PSD3: variants seen among roughly 807,000 people sequenced by gnomAD.
PSD3 encodes PH and SEC7 domain-containing protein 3.
In PSD3, 49 loss-of-function variants were observed where a neutral mutation model predicts 105.5. The observed-to-expected ratio is 0.46, with a 90% confidence interval of 0.37 to 0.59. PSD3 has a LOEUF of 0.59. Among genes scored for constraint, PSD3 ranks in the 20% least tolerant of loss-of-function variants. The pLI is 0.00. For synonymous variants in PSD3, 557 were observed against 457.8 expected (o/e 1.22, Z -2.77); for missense variants, 1,561 against 1,263.8 (o/e 1.24, Z -3.57).
At chr8:18,699,308 G>T (rs562157089) in intron 9 of PSD3, among the ~76,000 whole-genome samples, 70 of 152,320 alleles carry the variant, frequency 4.6e-4, no homozygotes, top group African/African-American at 1.7e-3. Context: ...TTTGCAAAAA[G>T]AAGCAATCTG....
At chr8:18,759,916 T>C (rs73199969) in intron 9 of PSD3, among the ~76,000 whole-genome samples, 8,961 of 144,818 alleles carry the variant, frequency 0.062, 452 homozygotes, top group East Asian at 0.22. Context: ...CTTTTCTGTA[T>C]ATAATGAGAA....
chr8:18,872,121 C>T lies in PSD3; in HGVS notation c.743G>A (p.Cys248Tyr). 1 of 1,614,080 alleles carries T rather than the reference C, an allele frequency of 6.2e-7. No individual in the cohort carries two copies. The highest frequency in any genetic ancestry group is 8.5e-7 in the Non-Finnish European group (1 of 1,179,982). The change falls in exon 3 of 16, where the codon TGT (cysteine) becomes TAT (tyrosine). Residue 248 changes from cysteine to tyrosine, a missense_variant. Coordinates refer to ENST00000327040, the MANE Select transcript of PSD3 (RefSeq NM_015310.4). ...KGAVCVQEPS[C>Y]PLASLGSSAV... ...TGAGCTCCCGAGGGAGGCCAAAGGA[C>T]AAGATGGCTCCTGCACACAGACAGC... is the stretch of plus-strand genomic sequence containing the variant.
intron 12 of PSD3, among the ~76,000 whole-genome samples, chr8:18,592,073 G>A (rs1468569475): frequency 6.6e-6 from 1 of 152,062 alleles, no homozygotes; most frequent in Non-Finnish European, 1.5e-5. Context: ...TGAATTTCCA[G>A]AAATTGACCG....
intron 9 of PSD3, among the ~76,000 whole-genome samples, chr8:18,730,988 A>T (rs1461708385): frequency 6.6e-6 from 1 of 152,138 alleles, no homozygotes; most frequent in Non-Finnish European, 1.5e-5. Flanking sequence ...TTTCTTTCTA[A>T]AAGTCATTCC....
intron 4 of PSD3, among the ~76,000 whole-genome samples, chr8:18,828,067 A>ATATATATATATATATTT (rs371473289): frequency 2.5e-5 from 3 of 118,878 alleles, no homozygotes; most frequent in African/African-American, 1.1e-4. Context: ...ATATATATAT[A>ATATATATATATATATTT]TTTTTTTTTT....
At chr8:18,995,953 G>A (rs181881322) in intron 1 of PSD3, among the ~76,000 whole-genome samples, 5 of 151,976 alleles carry the variant, frequency 3.3e-5, no homozygotes, top group Admixed American at 6.6e-5. Context: ...GCCAGCATCC[G>A]TAGCATCACC....
chr8:18,715,947 G>A (rs1292015680), intron 9 of PSD3, among the ~76,000 whole-genome samples: 2 of 152,176 alleles, frequency 1.3e-5, no homozygotes, highest in Admixed American at 6.5e-5. Context: ...TTTGAGTGAG[G>A]GAGCTGGCTA....
chr8:18,854,781 C>T (rs1009863809), intron 4 of PSD3, among the ~76,000 whole-genome samples: 6 of 152,190 alleles, frequency 3.9e-5, no homozygotes, highest in Admixed American at 1.3e-4. Context: ...ATATTATACA[C>T]AATTTAGCTC....
intron 9 of PSD3, among the ~76,000 whole-genome samples, chr8:18,674,213 T>C (rs1799948251): frequency 6.6e-6 from 1 of 151,802 alleles, no homozygotes; most frequent in African/African-American, 2.4e-5. Flanking sequence ...ATTCAGAAGG[T>C]CGACTTACTA....
chr8:18,746,513 G>C (rs1300302641), intron 9 of PSD3, among the ~76,000 whole-genome samples: 1 of 151,952 alleles, frequency 6.6e-6, no homozygotes, highest in Non-Finnish European at 1.5e-5. Flanking sequence ...GGAGGTCCAG[G>C]GGGGGTGTTG....
intron 9 of PSD3, among the ~76,000 whole-genome samples, chr8:18,702,198 T>C (rs1801621817): frequency 6.6e-6 from 1 of 152,238 alleles, no homozygotes; most frequent in Admixed American, 6.5e-5. Context: ...TCTTTCTACA[T>C]GTTTAAGATC....
intron 9 of PSD3, among the ~76,000 whole-genome samples, chr8:18,689,085 T>C (rs1800823487): frequency 6.6e-6 from 1 of 152,190 alleles, no homozygotes; most frequent in Non-Finnish European, 1.5e-5. Context: ...ACAAGGGACC[T>C]AGTTAATGGT....
intron 4 of PSD3, among the ~76,000 whole-genome samples, chr8:18,820,519 T>G (rs1586125932): frequency 6.6e-6 from 1 of 152,230 alleles, no homozygotes; most frequent in Admixed American, 6.5e-5. Context: ...CTGTATACCT[T>G]AAGTCATCTC....
chr8:18,893,609 G>A (rs1818952933), intron 2 of PSD3, among the ~76,000 whole-genome samples: 1 of 147,148 alleles, frequency 6.8e-6, no homozygotes, highest in African/African-American at 2.4e-5. Context: ...GAGGGTATCG[G>A]TGGGCTAGAG....
chr8:18,910,321 G>A (rs1336877010), intron 2 of PSD3, among the ~76,000 whole-genome samples: 4 of 140,310 alleles, frequency 2.9e-5, no homozygotes, highest in Non-Finnish European at 4.6e-5. Flanking sequence ...AAAATGATGA[G>A]TTCATATCCT....
chr8:18,984,563 T>G (rs1361888317), intron 1 of PSD3, among the ~76,000 whole-genome samples: 1 of 152,190 alleles, frequency 6.6e-6, no homozygotes, highest in Non-Finnish European at 1.5e-5. Flanking sequence ...AAGAAACTAT[T>G]TGAGCATTTG....
chr8:18,977,511 C>T lies in PSD3; in HGVS notation c.21+36052G>A, dbSNP rs539727972. The stretch of plus-strand genomic sequence containing the variant: ...TATTACTAATCATTTTAACATGTCA[C>T]ATGGACTGAGAGATAATGGGCCTTT... On this transcript the variant is annotated intron_variant, in intron 1 of 15. Coordinates refer to ENST00000327040, the MANE Select transcript of PSD3 (RefSeq NM_015310.4). Among the ~76,000 whole-genome samples, 3 of 152,212 alleles carry T rather than the reference C, an allele frequency of 2.0e-5. No individual in the cohort carries two copies. The South Asian group carries it at 6.2e-4, about 32-fold the overall frequency.
chr8:18,794,169 T>G (rs1263584101), intron 8 of PSD3, among the ~76,000 whole-genome samples: 5 of 22,282 alleles, frequency 2.2e-4, no homozygotes, highest in African/African-American at 5.9e-4. Flanking sequence ...GTTAAACAGA[T>G]GCTTGAAGGC....
At chr8:18,908,487 A>T (rs1417670756) in intron 2 of PSD3, among the ~76,000 whole-genome samples, 1 of 152,188 alleles carries the variant, frequency 6.6e-6, no homozygotes, top group South Asian at 2.1e-4. Flanking sequence ...ACAAATGAGC[A>T]TACCTGGAAA....
Sources: allele counts gnomAD v4.1 joint callset (sites outside exome capture counted in the v4.1 genomes callset), GRCh38; gene constraint gnomAD v4.1.1; transcripts MANE v1.5; gene names NCBI Gene and HGNC (gene_info 2026-07-23, HGNC 2026-07-21).